Variants in ADCY2 observed in about 807,000 individuals in gnomAD.
The protein encoded by ADCY2 is adenylate cyclase type 2.
ADCY2 carries 31 observed loss-of-function variants against 125.2 expected under a neutral mutation model. The observed-to-expected ratio is 0.25, with a 90% confidence interval of 0.19 to 0.33. The LOEUF is 0.33. Among genes scored for constraint, ADCY2 ranks in the 10% least tolerant of loss-of-function variants. ADCY2 has a pLI of 1.00. For synonymous variants in ADCY2, 512 were observed against 548.4 expected (o/e 0.93, Z 0.93); for missense variants, 904 against 1,418.2 (o/e 0.64, Z 5.82).
chr5:7,766,465 C>T lies in ADCY2; in HGVS notation c.2095-222C>T, dbSNP rs148436433. On this transcript the variant is annotated intron_variant, in intron 16 of 24. Coordinates refer to ENST00000338316, the MANE Select transcript of ADCY2 (RefSeq NM_020546.3). ...CTTTTAATTTACTGTTTGATAAAGG[C>T]GCCTCCAATTCCTTTAATGTGAATT... 5.4e-4 allele frequency among the ~76,000 whole-genome samples: 82 copies of T among 152,250 alleles called. No homozygotes were observed. In the East Asian group the frequency reaches 0.014, roughly 27 times the overall value.
intron 2 of ADCY2, among the ~76,000 whole-genome samples, chr5:7,473,000 C>A (rs965770763): frequency 2.6e-5 from 4 of 151,716 alleles, no homozygotes; most frequent in Non-Finnish European, 5.9e-5. Flanking sequence ...GAGGGGGATT[C>A]TTTGTTGTAC....
intron 2 of ADCY2, among the ~76,000 whole-genome samples, chr5:7,459,813 G>A (rs962694806): frequency 8.2e-5 from 9 of 110,168 alleles, no homozygotes; most frequent in Admixed American, 8.0e-4. Flanking sequence ...TTTGACGGGA[G>A]TCTGGCTCTC....
intron 3 of ADCY2, among the ~76,000 whole-genome samples, chr5:7,534,680 G>A (rs574136167): frequency 6.6e-6 from 1 of 152,336 alleles, no homozygotes; most frequent in East Asian, 1.9e-4. Context: ...TAATCCCTGG[G>A]CATTCCTGCT....
At chr5:7,816,688 T>A (rs1004901356) in intron 22 of ADCY2, among the ~76,000 whole-genome samples, 178 bp from the exon 23 acceptor site, 1 of 152,240 alleles carries the variant, frequency 6.6e-6, no homozygotes, top group Non-Finnish European at 1.5e-5. Context: ...ACGTCTCCCC[T>A]TGGCCACACA....
chr5:7,554,555 C>T (rs532898765), intron 3 of ADCY2, among the ~76,000 whole-genome samples: 1 of 152,232 alleles, frequency 6.6e-6, no homozygotes, highest in Non-Finnish European at 1.5e-5. Context: ...ATGTACTAAG[C>T]TCTTTGTAAG....
chr5:7,755,197 G>T (rs1029349932), intron 15 of ADCY2, among the ~76,000 whole-genome samples: 2 of 152,148 alleles, frequency 1.3e-5, no homozygotes, highest in African/African-American at 4.8e-5. Context: ...GCCCCCTGCC[G>T]CCAGTCAGCA....
chr5:7,826,469 C>T (rs896356074), intron 24 of ADCY2: 72 of 589,954 alleles, frequency 1.2e-4, no homozygotes, highest in African/African-American at 1.1e-3. Context: ...ATGGTAGCAC[C>T]GTAGTTTACT....
intron 20 of ADCY2, among the ~76,000 whole-genome samples, chr5:7,790,019 G>A: frequency 6.6e-6 from 1 of 152,222 alleles, no homozygotes. Context: ...ACCTCTAAAA[G>A]TCTGAGTCTG....
intron 18 of ADCY2, among the ~76,000 whole-genome samples, chr5:7,776,454 G>T (rs946860447): frequency 6.6e-6 from 1 of 152,108 alleles, no homozygotes; most frequent in African/African-American, 2.4e-5. Flanking sequence ...TCTTCTTTCT[G>T]GGACCCTTGC....
chr5:7,633,027 C>G (rs997471199), intron 4 of ADCY2, among the ~76,000 whole-genome samples: 2 of 151,958 alleles, frequency 1.3e-5, no homozygotes, highest in Non-Finnish European at 2.9e-5. Flanking sequence ...AAGGAACTCT[C>G]AGGAATCACT....
At position 7,502,459 on chromosome 5, in the gene ADCY2, G is replaced by A. The variant is rs114505779; in HGVS notation, c.409-18279G>A. Among the ~76,000 whole-genome samples the A allele has an allele frequency of 3.0e-3, 452 of 152,300 alleles. 2 individuals carry two copies. The highest frequency in any genetic ancestry group is 0.011 in the African/African-American group (441 of 41,568). ...GAAGCCACCTCTTACTCCCACCGTG[G>A]ACCAGGACAGAGAGGCAGGCTTCAG... On this transcript the variant is annotated intron_variant, in intron 2 of 24. Transcript: ENST00000338316.
chr5:7,713,946 A>G (rs1741521444), intron 11 of ADCY2, among the ~76,000 whole-genome samples: 2 of 152,214 alleles, frequency 1.3e-5, no homozygotes. Context: ...ATAGGTTGTA[A>G]CCTGCTGAAA....
intron 20 of ADCY2, chr5:7,801,242 C>A (rs1420403456): frequency 6.6e-6 from 1 of 152,268 alleles, no homozygotes; most frequent in African/African-American, 2.4e-5. Context: ...CCCCAAAGAG[C>A]AGGGCTTACT....
intron 2 of ADCY2, among the ~76,000 whole-genome samples, chr5:7,437,880 G>A (rs1740866048): frequency 6.6e-6 from 1 of 152,044 alleles, no homozygotes; most frequent in Non-Finnish European, 1.5e-5. Context: ...TGCAAATTTT[G>A]AATGAAGCAC....
rs530931914 is a variant in ADCY2, at chr5:7,762,951, A to G, written c.2095-3736A>G. On this transcript the variant is annotated intron_variant, in intron 16 of 24. Coordinates refer to ENST00000338316, the MANE Select transcript of ADCY2 (RefSeq NM_020546.3). ...TGCTCTCAGAAAACTTCATCGTTTT[A>G]AAGACATAGCCTCAATCATGTCCTC... is the stretch of plus-strand genomic sequence containing the variant. 4.1e-4 allele frequency among the ~76,000 whole-genome samples: 62 copies of G among 152,280 alleles called. 1 individual carries two copies. Among genetic ancestry groups the G allele is most frequent in the African/African-American group, 1.4e-3 (57 of 41,562 alleles).
At chr5:7,632,901 G>C (rs943497407) in intron 4 of ADCY2, among the ~76,000 whole-genome samples, 6 of 152,142 alleles carry the variant, frequency 3.9e-5, no homozygotes, top group Admixed American at 3.3e-4. Flanking sequence ...TAGTTAGAAT[G>C]GTTGAGATCA....
At chr5:7,789,833 G>T in intron 20 of ADCY2, 33 bp downstream of exon 20, 1 of 1,443,904 alleles carries the variant, frequency 6.9e-7, no homozygotes, top group Non-Finnish European at 9.2e-7. Context: ...CTGGGGGAGG[G>T]GGCTGGATGC....
rs1333666262 is a variant in ADCY2, at chr5:7,820,813, C to T, written c.3123+124C>T. The T allele has an allele frequency of 1.2e-5, 15 of 1,272,900 alleles. No individual in the cohort carries two copies. In the Admixed American group the frequency reaches 3.8e-4, roughly 32 times the overall value. 78.9% of individuals were successfully genotyped at this position (1,272,900 alleles called of 1,614,324 possible). On this transcript the variant is annotated intron_variant, in intron 24 of 24. Transcript: ENST00000338316. Reference sequence around the variant, plus strand: ...GGAAAAAAGTAAACCTTGAAATTTACTTATCTTTTGGAGAACAATTTTTGG... The same window carrying T: ...GGAAAAAAGTAAACCTTGAAATTTATTTATCTTTTGGAGAACAATTTTTGG...
intron 3 of ADCY2, among the ~76,000 whole-genome samples, chr5:7,600,772 G>A (rs1737173794): frequency 6.6e-6 from 1 of 152,206 alleles, no homozygotes; most frequent in Non-Finnish European, 1.5e-5. Context: ...CATCTGTGGT[G>A]AGTTCCCATT....
Sources: allele counts gnomAD v4.1 joint callset (sites outside exome capture counted in the v4.1 genomes callset), GRCh38; gene constraint gnomAD v4.1.1; transcripts MANE v1.5; gene names NCBI Gene and HGNC (gene_info 2026-07-23, HGNC 2026-07-21).